The following GPC1 variants were observed in gnomAD, a reference collection of about 807,000 sequenced individuals.
The protein encoded by GPC1 is glypican 1, also known as glypican-1.
A neutral mutation model predicts 51.5 loss-of-function variants in GPC1; 26 were observed. That is an observed-to-expected ratio of 0.50 (90% CI 0.37 to 0.70). The LOEUF (loss-of-function observed/expected upper bound fraction) is 0.70, where lower values mean the gene tolerates loss of function less well. Among genes scored for constraint, GPC1 ranks in the 30% least tolerant of loss-of-function variants. The pLI, the probability that GPC1 is intolerant of heterozygous loss-of-function variation, is 0.00. For missense variants in GPC1, 775 were observed against 800.5 expected, an observed-to-expected ratio of 0.97 and a Z score of 0.38; for synonymous variants, 380 against 348.3, an observed-to-expected ratio of 1.09 and a Z score of -1.01.
At chr2:240,455,564 G>C (rs1263471231) in intron 1 of GPC1, among the ~76,000 whole-genome samples, 1 of 152,186 alleles carries the variant, frequency 6.6e-6, no homozygotes, top group African/African-American at 2.4e-5. Flanking sequence ...GAGAGGGAGA[G>C]GGACATGGGG....
rs766168260 is a variant in GPC1, at chr2:240,436,020, G to A, written c.102G>A (p.Glu34=). 3.6e-6 allele frequency: 5 copies of A among 1,386,630 alleles called. No individual in the cohort carries two copies. In the South Asian group the frequency reaches 6.8e-5, roughly 19 times the overall value. 85.9% of individuals were successfully genotyped at this position (1,386,630 alleles called of 1,614,324 possible). A position where few individuals can be genotyped will look rare whatever the true frequency, so the allele number is the denominator to read the frequency against. ...CCAGCAAGAGCCGGAGCTGCGGCGA[G>A]GTCCGCCAGATCTACGGAGCCAAGG... The part of the protein sequence containing the change: ...DPASKSRSCG[E]VRQIYGAKGF... Residue 34 remains glutamate, a synonymous_variant, in exon 1 of 9, where the codon GAG becomes GAA. Coordinates refer to ENST00000264039, the MANE Select transcript of GPC1 (RefSeq NM_002081.3).
chr2:240,465,980 G>T, intron 8 of GPC1, 78 bp from the exon 9 acceptor site: 1 of 620,576 alleles, frequency 1.6e-6, no homozygotes, highest in Non-Finnish European at 2.6e-6. Context: ...GGGTCACCTG[G>T]CACGGGCCCT....
chr2:240,455,568 C>G (rs2074151001), intron 1 of GPC1, among the ~76,000 whole-genome samples: 1 of 152,188 alleles, frequency 6.6e-6, no homozygotes, highest in Non-Finnish European at 1.5e-5. Flanking sequence ...GGGAGAGGGA[C>G]ATGGGGAGGG....
chr2:240,457,397 C>T (rs2074176243), intron 1 of GPC1: 1 of 465,558 alleles, frequency 2.1e-6, no homozygotes, highest in Non-Finnish European at 4.5e-6. Context: ...TCTCGGGCTC[C>T]TCCCTGAGTG....
At chr2:240,460,987 G>A (rs1559201695) in intron 2 of GPC1, among the ~76,000 whole-genome samples, 1 of 152,076 alleles carries the variant, frequency 6.6e-6, no homozygotes, top group East Asian at 1.9e-4. Flanking sequence ...CCCTGTGTCC[G>A]CCCCCCCACC....
chr2:240,463,610 C>G, intron 4 of GPC1, 98 bp downstream of exon 4: 6 of 1,027,600 alleles, frequency 5.8e-6, no homozygotes, highest in Non-Finnish European at 8.7e-6. Flanking sequence ...AGCTTGGACC[C>G]AGGGACCTGA....
intron 1 of GPC1, among the ~76,000 whole-genome samples, chr2:240,441,725 C>A (rs2074018625): frequency 6.6e-6 from 1 of 152,164 alleles, no homozygotes; most frequent in African/African-American, 2.4e-5. Flanking sequence ...TGGGCAGGTG[C>A]CCTGAGCCGC....
At chr2:240,457,420 G>C (rs534058727) in intron 1 of GPC1, 4 of 470,596 alleles carry the variant, frequency 8.5e-6, no homozygotes, top group East Asian at 1.4e-4. Context: ...TGTACTTAGA[G>C]GGTGCGGAAG....
chr2:240,464,399 CGTGGCACAGGTGCACACGTGGGT>C (rs935829307), intron 4 of GPC1, 194 bp from the exon 5 acceptor site: 19 of 570,530 alleles, frequency 3.3e-5, no homozygotes, highest in African/African-American at 2.7e-4. Flanking sequence ...CACCTGTGCC[CGTGGCACAGGTGCACACGTGGGT>C]GTGGGCCAAG....
intron 1 of GPC1, among the ~76,000 whole-genome samples, chr2:240,439,254 C>T (rs775048817): frequency 6.6e-6 from 1 of 152,212 alleles, no homozygotes; most frequent in Non-Finnish European, 1.5e-5. Flanking sequence ...AGGACACCCC[C>T]AGGCCTTCCT....
intron 7 of GPC1, 80 bp downstream of exon 7, chr2:240,465,290 AC>A (rs1474250204): frequency 2.0e-6 from 3 of 1,468,672 alleles, no homozygotes; most frequent in Admixed American, 2.1e-5. Flanking sequence ...TGCTGTCTGC[AC>A]GGGGCCACGT....
At chr2:240,456,897 G>A (rs1465778077) in intron 1 of GPC1, among the ~76,000 whole-genome samples, 1 of 152,184 alleles carries the variant, frequency 6.6e-6, no homozygotes, top group African/African-American at 2.4e-5. Context: ...GAGGAGTGGG[G>A]AAGGAGCACC....
chr2:240,453,808 C>T (rs537601304), intron 1 of GPC1, among the ~76,000 whole-genome samples: 2 of 151,898 alleles, frequency 1.3e-5, no homozygotes, highest in African/African-American at 2.4e-5. Flanking sequence ...TCGGGGCGCC[C>T]GGGACCCCCA....
At chr2:240,459,660 G>C (rs1231013080) in intron 2 of GPC1, among the ~76,000 whole-genome samples, 1 of 152,156 alleles carries the variant, frequency 6.6e-6, no homozygotes, top group African/African-American at 2.4e-5. Flanking sequence ...GGCCTGCCTG[G>C]GGTGGCCGCC....
intron 1 of GPC1, chr2:240,453,072 G>T (rs1394961884): frequency 3.1e-6 from 1 of 321,302 alleles, no homozygotes; most frequent in Non-Finnish European, 6.1e-6. Context: ...GACCTCTCCC[G>T]CAGCGCCACC....
intron 1 of GPC1, among the ~76,000 whole-genome samples, chr2:240,447,355 G>A (rs35140969): frequency 0.092 from 13,937 of 152,264 alleles, 771 homozygotes; most frequent in Non-Finnish European, 0.12. Flanking sequence ...TGGTTGGGGC[G>A]ACATTGACAG....
chr2:240,453,871 C>T (rs868347418), intron 1 of GPC1, among the ~76,000 whole-genome samples: 9 of 152,248 alleles, frequency 5.9e-5, no homozygotes, highest in South Asian at 2.1e-4. Context: ...CCGCCGGGGC[C>T]GGTTTCACGC....
rs2074249631 is a variant in GPC1 at position 240,465,059 on chromosome 2, C to T, written c.1135-18C>T. Reference sequence around the variant, plus strand: ...GGGCGGGCCCTGGCAGCCCAGTGGCCTGACTGCTGCCCCACAGGTCTCCGA... The same window carrying T: ...GGGCGGGCCCTGGCAGCCCAGTGGCTTGACTGCTGCCCCACAGGTCTCCGA... On this transcript the variant is annotated intron_variant, in intron 6 of 8. Transcript: ENST00000264039. The T allele has an allele frequency of 1.3e-6, 2 of 1,593,644 alleles. No homozygotes were observed. The highest frequency in any genetic ancestry group is 2.3e-5 in the East Asian group (1 of 43,904).
chr2:240,436,458 G>A (rs2073984925), intron 1 of GPC1, among the ~76,000 whole-genome samples: 1 of 152,056 alleles, frequency 6.6e-6, no homozygotes, highest in Non-Finnish European at 1.5e-5. Flanking sequence ...GCGCCTGCAG[G>A]CCGGGAGTCC....
Sources: gnomAD v4.1 joint callset for allele counts (sites outside exome capture counted in the v4.1 genomes callset) on GRCh38, gnomAD v4.1.1 for gene constraint, MANE v1.5 for transcripts, NCBI Gene and HGNC (gene_info 2026-07-23, HGNC 2026-07-21) for gene names.